The following UBR4 variants were observed in gnomAD, a reference collection of about 807,000 sequenced individuals.
UBR4 encodes ubiquitin protein ligase E3 component n-recognin 4.
A neutral mutation model predicts 575.6 loss-of-function variants in UBR4; 124 were observed. The observed-to-expected ratio is 0.22, with a 90% CI of 0.19 to 0.25. The LOEUF is 0.25. Among genes scored for constraint, UBR4 ranks in the 10% least tolerant of loss-of-function variants. The probability of loss-of-function intolerance (pLI) is 1.00; values close to 1 mark genes in which losing one functional copy is unlikely to be tolerated. For missense variants in UBR4, 4,818 were observed against 6,478.8 expected (o/e 0.74, Z 8.80); for synonymous variants, 2,455 against 2,473.7 (o/e 0.99, Z 0.22).
rs1400369114 is a variant in UBR4, at chr1:19,093,231, T to TC, written c.14111+81_14111+82insG. On this transcript the variant is annotated intron_variant, in intron 96 of 105. Transcript: ENST00000375254. This position sits in a 1 kb window ranked among gnomAD's most constrained non-coding sequence, Gnocchi z 4.8. ...GGAGGGCAAGGGGCACACGTGAAGC[T>TC]TTATGCCAAGATGCTGATGGAGAAG... 31 of 1,539,506 alleles carry TC rather than the reference T, an allele frequency of 2.0e-5. No individual in the cohort carries two copies. The Admixed American group carries it at 5.5e-4, about 27-fold the overall frequency.
rs762316581 is a variant in UBR4, at chr1:19,081,335, A to C, written c.15233+14T>G. The C allele has an allele frequency of 1.4e-5, 22 of 1,558,288 alleles. No homozygotes were observed. Among genetic ancestry groups the C allele is most frequent in the Non-Finnish European group, 1.9e-5 (22 of 1,154,638 alleles). On this transcript the variant is annotated intron_variant, in intron 103 of 105. Coordinates refer to ENST00000375254, the MANE Select transcript of UBR4 (RefSeq NM_020765.3). ...GGAAATAGTGAGCAGCAGCTTCCGG[A>C]AGCAGGTACTGACCTGGTGGCTCCA...
intron 60 of UBR4, among the ~76,000 whole-genome samples, chr1:19,133,734 G>A (rs2082816274): frequency 6.6e-6 from 1 of 151,828 alleles, no homozygotes; most frequent in Non-Finnish European, 1.5e-5. Context: ...GATCACTTGA[G>A]GCCAGGAGTT....
Position 19,088,270 on chromosome 1 carries a change from T to C in UBR4, c.14431-341A>G, listed in dbSNP as rs2077203414. Among the ~76,000 whole-genome samples, 1 of 152,246 alleles carries C rather than the reference T, an allele frequency of 6.6e-6. No homozygotes were observed. The highest frequency in any genetic ancestry group is 2.1e-4 in the South Asian group (1 of 4,826). On this transcript the variant is annotated intron_variant, in intron 98 of 105. Coordinates refer to ENST00000375254, the MANE Select transcript of UBR4 (RefSeq NM_020765.3). This position sits in a 1 kb window ranked among gnomAD's most constrained non-coding sequence, Gnocchi z 4.0. ...GGTTGTTGCACTATGATTCATTCACTGTTCCCAGGTGAGCTTTTCAACTGC... is the reference window on the plus strand; with the variant it reads ...GGTTGTTGCACTATGATTCATTCACCGTTCCCAGGTGAGCTTTTCAACTGC...
At chr1:19,164,203 A>T in intron 33 of UBR4, 50 bp downstream of exon 33, 1 of 1,564,448 alleles carries the variant, frequency 6.4e-7, no homozygotes, top group Non-Finnish European at 8.7e-7. Context: ...AAAGTAACCC[A>T]CTTCTCAAGA....
intron 11 of UBR4, among the ~76,000 whole-genome samples, chr1:19,191,470 C>CA (rs1195294671): frequency 6.6e-6 from 1 of 151,660 alleles, no homozygotes; most frequent in Non-Finnish European, 1.5e-5. Flanking sequence ...GACTATGTCT[C>CA]AAAAAAAATA....
At chr1:19,178,628 G>A (rs1472413767) in intron 18 of UBR4, among the ~76,000 whole-genome samples, 3 of 152,162 alleles carry the variant, frequency 2.0e-5, no homozygotes, top group African/African-American at 7.2e-5. Flanking sequence ...ATCTAAAGTG[G>A]ATTTAGATGA....
chr1:19,147,098 C>T lies in UBR4; in HGVS notation c.7630-98G>A, dbSNP rs568878559. ...GCTGGCAGATCACCAGGATTATTAC[C>T]TCCTCTCAAGAGAACAGGCCAATGA... On this transcript the variant is annotated intron_variant, in intron 51 of 105. Coordinates refer to ENST00000375254, the MANE Select transcript of UBR4 (RefSeq NM_020765.3). The T allele has an allele frequency of 5.2e-4, 719 of 1,377,200 alleles. 1 individual carries two copies. Among genetic ancestry groups the T allele is most frequent in the Middle Eastern group, 9.9e-4 (4 of 4,048 alleles). The allele number at this position is 1,377,200 out of a possible 1,614,324, so 85.3% of individuals were successfully genotyped here.
intron 55 of UBR4, among the ~76,000 whole-genome samples, chr1:19,143,364 A>T (rs759148545): frequency 1.3e-5 from 2 of 152,238 alleles, no homozygotes; most frequent in Non-Finnish European, 2.9e-5. Context: ...TTTACTTCTA[A>T]ATCAAGCCAA....
chr1:19,186,872 C>T (rs1234353478), intron 13 of UBR4, among the ~76,000 whole-genome samples: 1 of 151,996 alleles, frequency 6.6e-6, no homozygotes, highest in Non-Finnish European at 1.5e-5. Context: ...TCCATAGTGT[C>T]CTCTATGCTT....
chr1:19,112,553 C>T lies in UBR4; in HGVS notation c.11772G>A (p.Glu3924=), dbSNP rs1299044108. 1 of 1,613,278 alleles carries T rather than the reference C, an allele frequency of 6.2e-7. No homozygotes were observed. Among genetic ancestry groups the T allele is most frequent in the Non-Finnish European group, 8.5e-7 (1 of 1,179,514 alleles). ...LRRGAAAMRE[E]VRQLMCLLTR... ...TTAGGAGGCACATGAGCTGGCGGACCTCCTCCCGCATGGCCGCAGCCCCTC... is the reference window on the plus strand; with the variant it reads ...TTAGGAGGCACATGAGCTGGCGGACTTCCTCCCGCATGGCCGCAGCCCCTC... The change falls in exon 78 of 106, where the codon GAG becomes GAA. Residue 3924 remains glutamate (E), a synonymous_variant. Transcript: ENST00000375254.
At chr1:19,150,985 T>C (rs550990526) in intron 48 of UBR4, 192 bp from the exon 49 acceptor site, 5 of 641,368 alleles carry the variant, frequency 7.8e-6, no homozygotes, top group African/African-American at 3.7e-5. Context: ...AAAAGTTCCA[T>C]GGACCAAAAG....
At chr1:19,143,209 GGAAAGAAA>G (rs1418777156) in intron 55 of UBR4, among the ~76,000 whole-genome samples, 1 of 136,136 alleles carries the variant, frequency 7.3e-6, no homozygotes, top group Non-Finnish European at 1.5e-5. Context: ...AAGGAAGGAA[GGAAAGAAA>G]GGAAGGAAGG....
In UBR4 at chr1:19,144,773, T is replaced by C. The variant is rs776452885; in HGVS notation, c.8067+13A>G. On this transcript the variant is annotated intron_variant, in intron 54 of 105. Coordinates refer to ENST00000375254, the MANE Select transcript of UBR4 (RefSeq NM_020765.3). ...GGCTGCTGCGAGCTCTCTGGGATTG[T>C]AATGCTACGTACAGGACACAAGAGC... The C allele has an allele frequency of 1.2e-5, 20 of 1,608,698 alleles. No individual in the cohort carries two copies. Among genetic ancestry groups the C allele is most frequent in the Non-Finnish European group, 1.7e-5 (20 of 1,177,860 alleles).
rs751268483 is a variant in UBR4 at position 19,187,290 on chromosome 1, T to G, written c.1506A>C (p.Thr502=). The G allele has an allele frequency of 1.9e-6, 3 of 1,613,616 alleles. No individual in the cohort carries two copies. The highest frequency in any genetic ancestry group is 1.7e-6 in the Non-Finnish European group (2 of 1,179,672). ...TGCTCAAGGCTGCAGGGGGGCCATC[T>G]GTCTCCCAACCCTGAAGGCAATGAT... ...QVEALHKGWE[T]DGPPAALSIM... Residue 502 remains threonine (T), a synonymous_variant, in exon 13 of 106, where the codon ACA becomes ACC. Transcript: ENST00000375254.
intron 17 of UBR4, among the ~76,000 whole-genome samples, chr1:19,182,655 C>T (rs1206121991): frequency 6.6e-6 from 1 of 152,294 alleles, no homozygotes; most frequent in East Asian, 1.9e-4. Flanking sequence ...ATAACAGCCA[C>T]CTAATGCGTG....
At chr1:19,161,324 C>G (rs1388695353) in intron 37 of UBR4, among the ~76,000 whole-genome samples, 177 bp from the exon 38 acceptor site, 2 of 152,204 alleles carry the variant, frequency 1.3e-5, no homozygotes, top group African/African-American at 4.8e-5. Context: ...CTTCTTTACC[C>G]ACTCACAGTA....
intron 39 of UBR4, among the ~76,000 whole-genome samples, chr1:19,159,386 T>C (rs1176460378): frequency 6.6e-6 from 1 of 152,194 alleles, no homozygotes; most frequent in Non-Finnish European, 1.5e-5. Context: ...TCTAAAGGAC[T>C]ATATGCAAAA....
intron 58 of UBR4, among the ~76,000 whole-genome samples, chr1:19,140,093 A>G (rs899987072): frequency 1.3e-5 from 2 of 152,186 alleles, no homozygotes; most frequent in Non-Finnish European, 2.9e-5. Context: ...TAAAACTTCC[A>G]AAAGAAAAGA....
intron 54 of UBR4, 39 bp from the exon 55 acceptor site, chr1:19,144,130 A>G (rs1323284024): frequency 6.4e-7 from 1 of 1,570,608 alleles, no homozygotes; most frequent in Non-Finnish European, 8.8e-7. Context: ...TTGCTCTCAT[A>G]TTATTCATGA....
Sources: gnomAD v4.1 joint callset for allele counts (sites outside exome capture counted in the v4.1 genomes callset) on GRCh38, gnomAD v4.1.1 for gene constraint, Gnocchi (gnomAD v3.1) non-coding constraint, MANE v1.5 for transcripts, NCBI Gene and HGNC (gene_info 2026-07-23, HGNC 2026-07-21) for gene names.